The following LRRTM4 variants were observed in gnomAD, a reference collection of about 807,000 sequenced individuals.
LRRTM4 encodes the protein leucine rich repeat transmembrane neuronal 4, also known as leucine-rich repeat transmembrane neuronal protein 4.
A neutral mutation model predicts 47.6 loss-of-function variants in LRRTM4; 25 were observed. The ratio of observed to expected loss-of-function variants is 0.53; its 90% CI spans 0.38 to 0.73. The LOEUF (loss-of-function observed/expected upper bound fraction) is 0.73, where lower values mean the gene tolerates loss of function less well. Ranked by LOEUF, LRRTM4 falls within the 30% of genes least tolerant of loss-of-function variation. The pLI, the probability that LRRTM4 is intolerant of heterozygous loss-of-function variation, is 0.00. For missense variants in LRRTM4, 638 were observed against 713.4 expected (o/e 0.89, Z 1.20); for synonymous variants, 311 against 269.5 (o/e 1.15, Z -1.51).
At chr2:77,251,926 G>T (rs1675629061) in intron 3 of LRRTM4, among the ~76,000 whole-genome samples, 1 of 152,136 alleles carries the variant, frequency 6.6e-6, no homozygotes, top group Admixed American at 6.5e-5. Flanking sequence ...CCCAGGATTG[G>T]ATTTTCCATA....
intron 3 of LRRTM4, among the ~76,000 whole-genome samples, chr2:76,944,978 A>G (rs1675275591): frequency 6.6e-6 from 1 of 152,218 alleles, no homozygotes; most frequent in Admixed American, 6.5e-5. Flanking sequence ...GGCTGCTATA[A>G]GAAACTACAC....
intron 3 of LRRTM4, among the ~76,000 whole-genome samples, chr2:77,157,712 A>T (rs1308855529): frequency 6.6e-6 from 1 of 152,106 alleles, no homozygotes; most frequent in Non-Finnish European, 1.5e-5. Flanking sequence ...CATTATTAAG[A>T]TATTTATGTT....
chr2:77,439,351 T>C (rs1418033518), intron 3 of LRRTM4, among the ~76,000 whole-genome samples: 1 of 152,186 alleles, frequency 6.6e-6, no homozygotes, highest in African/African-American at 2.4e-5. Flanking sequence ...CCTATTTTCA[T>C]CTTATGAAAT....
intron 3 of LRRTM4, among the ~76,000 whole-genome samples, chr2:77,125,619 A>G (rs1264639211): frequency 1.3e-5 from 2 of 152,170 alleles, no homozygotes; most frequent in East Asian, 3.9e-4. Context: ...GTTGTTATCT[A>G]ATTGTGCTTT....
Position 77,460,048 on chromosome 2 carries a change from T to C in LRRTM4, c.1551+58270A>G, listed in dbSNP as rs144686916. 2.4e-4 allele frequency among the ~76,000 whole-genome samples: 35 copies of C among 147,680 alleles called. No homozygotes were observed. In the East Asian group the frequency reaches 6.4e-3, roughly 27 times the overall value. Reference sequence around the variant, plus strand: ...TTCTCTTTCCACTTGAGTGAACTAATTGAAAGAATTCCATGCTGCATTCAC... The same window carrying C: ...TTCTCTTTCCACTTGAGTGAACTAACTGAAAGAATTCCATGCTGCATTCAC... On this transcript the variant is annotated intron_variant, in intron 3 of 3. Transcript: ENST00000409884.
At chr2:76,905,722 G>A (rs983008430) in intron 3 of LRRTM4, among the ~76,000 whole-genome samples, 20 of 150,404 alleles carry the variant, frequency 1.3e-4, no homozygotes, top group East Asian at 4.0e-4. Flanking sequence ...GAGCCGATGC[G>A]ATCAACTGGA....
At position 76,796,128 on chromosome 2, in the gene LRRTM4, C is replaced by T. The variant is rs941407529; in HGVS notation, c.1552-47212G>A. 1.3e-4 allele frequency among the ~76,000 whole-genome samples: 18 copies of T among 142,186 alleles called. 2 individuals carry two copies. The highest frequency in any genetic ancestry group is 4.6e-4 in the African/African-American group (18 of 38,810). 93.3% of individuals were successfully genotyped at this position (142,186 alleles called of 152,430 possible). A position where few individuals can be genotyped will look rare whatever the true frequency, so the allele number is the denominator to read the frequency against. ...CAGACAGGCTTAAAAAAACGGCACA[C>T]CACAAGATTATATCCCGCACATGGC... On this transcript the variant is annotated intron_variant, in intron 3 of 3. Transcript: ENST00000409884.
intron 3 of LRRTM4, among the ~76,000 whole-genome samples, chr2:76,916,476 T>G (rs944630274): frequency 6.6e-6 from 1 of 151,972 alleles, no homozygotes; most frequent in African/African-American, 2.4e-5. Context: ...TGTCCATGCT[T>G]TTTAAGTTAC....
At chr2:77,198,173 G>A (rs758264065) in intron 3 of LRRTM4, among the ~76,000 whole-genome samples, 5 of 152,160 alleles carry the variant, frequency 3.3e-5, no homozygotes, top group Non-Finnish European at 5.9e-5. Context: ...GGGCGACTGA[G>A]GTTTCATCTT....
chr2:76,826,353 A>T (rs1484268637), intron 3 of LRRTM4, among the ~76,000 whole-genome samples: 1 of 151,600 alleles, frequency 6.6e-6, no homozygotes, highest in African/African-American at 2.4e-5. Flanking sequence ...GCATCATGGC[A>T]TATCAGCTGT....
intron 3 of LRRTM4, among the ~76,000 whole-genome samples, chr2:76,777,324 C>A (rs1282206141): frequency 2.1e-5 from 3 of 142,302 alleles, no homozygotes; most frequent in African/African-American, 7.8e-5. Flanking sequence ...ATGGGGATGG[C>A]ATTGAATCTG....
rs1488656562 is a variant in LRRTM4 at position 76,786,400 on chromosome 2, AT to A, written c.1552-37485del. Among the ~76,000 whole-genome samples the A allele has an allele frequency of 6.6e-5, 10 of 152,200 alleles. No individual in the cohort carries two copies. The East Asian group carries it at 9.6e-4, about 15-fold the overall frequency. ...AAATTGGTCCCCCAAGACTCCTAACATTTTTTTAACAGTATTTTTATCTTTT... is the reference window on the plus strand; with the variant it reads ...AAATTGGTCCCCCAAGACTCCTAACATTTTTTAACAGTATTTTTATCTTTT... On this transcript the variant is annotated intron_variant, in intron 3 of 3. Transcript: ENST00000409884.
intron 3 of LRRTM4, among the ~76,000 whole-genome samples, chr2:76,983,523 C>T (rs957314507): frequency 7.9e-5 from 12 of 152,036 alleles, no homozygotes; most frequent in African/African-American, 2.4e-4. Context: ...GCCTTTGCTG[C>T]TCCTTCACTT....
chr2:77,252,065 A>G (rs1275412776), intron 3 of LRRTM4, among the ~76,000 whole-genome samples: 4 of 152,210 alleles, frequency 2.6e-5, no homozygotes, highest in Non-Finnish European at 4.4e-5. Flanking sequence ...TAAAGATATC[A>G]TTGGTTCTGA....
intron 3 of LRRTM4, among the ~76,000 whole-genome samples, chr2:76,886,957 CATTG>C (rs1673096992): frequency 6.6e-6 from 1 of 151,818 alleles, no homozygotes; most frequent in African/African-American, 2.4e-5. Context: ...GAACATAATA[CATTG>C]ATTTTCATAT....
intron 3 of LRRTM4, among the ~76,000 whole-genome samples, chr2:77,186,024 A>G (rs1469387889): frequency 2.0e-5 from 3 of 152,192 alleles, no homozygotes; most frequent in Non-Finnish European, 2.9e-5. Context: ...GACACAGAAA[A>G]TCAGGTAATA....
intron 3 of LRRTM4, among the ~76,000 whole-genome samples, chr2:77,327,924 G>T (rs1468022389): frequency 6.6e-6 from 1 of 152,080 alleles, no homozygotes; most frequent in African/African-American, 2.4e-5. Flanking sequence ...AGGGAGTGTG[G>T]GGGCAATCAT....
intron 3 of LRRTM4, among the ~76,000 whole-genome samples, chr2:77,075,211 T>C (rs2103839434): frequency 6.6e-6 from 1 of 152,344 alleles, no homozygotes; most frequent in Non-Finnish European, 1.5e-5. Context: ...CTTTCAAAAC[T>C]TATACAGAAA....
At chr2:76,755,171 C>A (rs1428465417) in intron 3 of LRRTM4, among the ~76,000 whole-genome samples, 1 of 151,994 alleles carries the variant, frequency 6.6e-6, no homozygotes, top group Non-Finnish European at 1.5e-5. Flanking sequence ...GTAGTCTATC[C>A]CTGACCATTT....
Sources: gnomAD v4.1 joint callset for allele counts (sites outside exome capture counted in the v4.1 genomes callset) on GRCh38, gnomAD v4.1.1 for gene constraint, MANE v1.5 for transcripts, NCBI Gene and HGNC (gene_info 2026-07-23, HGNC 2026-07-21) for gene names.